The following RANBP2 variants were observed in gnomAD, a reference collection of about 807,000 sequenced individuals.
The protein encoded by RANBP2 is E3 SUMO-protein ligase RanBP2.
In RANBP2, 57 loss-of-function variants were observed where a neutral mutation model predicts 303.6. The ratio of observed to expected loss-of-function variants is 0.19; its 90% CI spans 0.15 to 0.23. The LOEUF is 0.23. Ranked by LOEUF, RANBP2 falls within the 10% of genes least tolerant of loss-of-function variation. RANBP2 has a pLI of 1.00. For synonymous variants in RANBP2, 1,167 were observed against 1,301.5 expected (o/e 0.90, Z 2.23); for missense variants, 3,138 against 3,780.8 (o/e 0.83, Z 4.46).
the RANBP2 span, chr2:109,594,866 G>A: frequency 1.2e-4 from 18 of 152,012 alleles, no homozygotes; most frequent in Admixed American, 5.9e-4. Context: ...GGCTGACCTT[G>A]TGACTGAACA....
At chr2:109,470,423 T>C in the RANBP2 span, among the ~76,000 whole-genome samples, 1 of 152,204 alleles carries the variant, frequency 6.6e-6, no homozygotes, top group African/African-American at 2.4e-5. Flanking sequence ...GTTCTCAGAA[T>C]TTGCTCTTCC....
the RANBP2 span, among the ~76,000 whole-genome samples, chr2:109,426,464 G>A: frequency 3.3e-5 from 5 of 152,190 alleles, no homozygotes; most frequent in African/African-American, 1.2e-4. Context: ...GGTAGAAACA[G>A]CAAGAGAACT....
At chr2:109,371,795 C>T in the RANBP2 span, 9 of 863,094 alleles carry the variant, frequency 1.0e-5, no homozygotes, top group South Asian at 1.3e-4. Context: ...GGATCCTCCA[C>T]AATAGCCTCT....
At chr2:109,640,309 A>G in the RANBP2 span, among the ~76,000 whole-genome samples, 1 of 151,990 alleles carries the variant, frequency 6.6e-6, no homozygotes, top group Non-Finnish European at 1.5e-5. Flanking sequence ...AGAAGTAGCC[A>G]GGCATGCTGG....
At chr2:109,121,997 T>C in the RANBP2 span, among the ~76,000 whole-genome samples, 2 of 152,154 alleles carry the variant, frequency 1.3e-5, no homozygotes, top group Non-Finnish European at 2.9e-5. Flanking sequence ...CTGTGCTTGC[T>C]AGTGGGAAGG....
At chr2:108,846,910 T>C in the RANBP2 span, 6 of 1,603,840 alleles carry the variant, frequency 3.7e-6, no homozygotes, top group Admixed American at 1.0e-4. Context: ...ACCTTAATTG[T>C]TCTCAAAACA....
the RANBP2 span, among the ~76,000 whole-genome samples, chr2:109,201,845 C>G: frequency 7.2e-5 from 11 of 152,240 alleles, no homozygotes; most frequent in Admixed American, 3.9e-4. Flanking sequence ...ATAGTGCCCT[C>G]CCTCCAGGGA....
chr2:109,449,376 A>C, the RANBP2 span: 1 of 1,611,060 alleles, frequency 6.2e-7, no homozygotes, highest in Non-Finnish European at 8.5e-7. Flanking sequence ...CACACCTCCC[A>C]ACGTCAGTGC....
the RANBP2 span, among the ~76,000 whole-genome samples, chr2:109,248,307 A>C: frequency 1.3e-5 from 2 of 152,146 alleles, no homozygotes; most frequent in Non-Finnish European, 2.9e-5. Context: ...TTGTTTTAAA[A>C]ATCTTCCCCA....
At chr2:109,799,168 C>T in the RANBP2 span, among the ~76,000 whole-genome samples, 4 of 67,492 alleles carry the variant, frequency 5.9e-5, no homozygotes, top group African/African-American at 2.5e-4. Context: ...GTACCCGGGA[C>T]GCAGAGGTTG....
the RANBP2 span, among the ~76,000 whole-genome samples, chr2:109,486,929 G>A: frequency 6.6e-6 from 1 of 152,210 alleles, no homozygotes; most frequent in African/African-American, 2.4e-5. Context: ...AGATCCGGCT[G>A]TTTGGTTTTC....
At chr2:108,758,642 T>C in intron 18 of RANBP2, 94 bp downstream of exon 18, 1 of 1,593,686 alleles carries the variant, frequency 6.3e-7, no homozygotes. Flanking sequence ...TGTTTATATA[T>C]GTTTGTTAAT....
chr2:109,569,751 C>A, the RANBP2 span, among the ~76,000 whole-genome samples: 2 of 152,160 alleles, frequency 1.3e-5, no homozygotes, highest in East Asian at 3.8e-4. Context: ...CAATAAACTG[C>A]AGTAGACTGA....
chr2:108,967,825 G>A, the RANBP2 span, among the ~76,000 whole-genome samples: 1 of 152,130 alleles, frequency 6.6e-6, no homozygotes, highest in Non-Finnish European at 1.5e-5. Context: ...AACCCACCAA[G>A]ATAAATTTCT....
chr2:109,275,725 G>A, the RANBP2 span, among the ~76,000 whole-genome samples: 1 of 152,262 alleles, frequency 6.6e-6, no homozygotes, highest in East Asian at 1.9e-4. Flanking sequence ...GCTGTTTGCC[G>A]GGTACCCTTC....
the RANBP2 span, among the ~76,000 whole-genome samples, chr2:109,122,103 G>A: frequency 5.5e-3 from 839 of 152,322 alleles, 8 homozygotes; most frequent in African/African-American, 0.019. Flanking sequence ...GTCAGGATGA[G>A]GAGAACAGAT....
the RANBP2 span, among the ~76,000 whole-genome samples, chr2:109,127,099 CTGT>C: frequency 6.6e-6 from 1 of 152,234 alleles, no homozygotes; most frequent in African/African-American, 2.4e-5. Context: ...CCATCTCACC[CTGT>C]TGTTGGCGCT....
chr2:109,771,169 T>C, the RANBP2 span, among the ~76,000 whole-genome samples: 1 of 12,362 alleles, frequency 8.1e-5, no homozygotes, highest in African/African-American at 6.0e-4. Context: ...CTCGAGGAAA[T>C]AGATGGCAAC....
the RANBP2 span, among the ~76,000 whole-genome samples, chr2:108,902,429 CT>C: frequency 6.6e-6 from 1 of 152,078 alleles, no homozygotes; most frequent in Non-Finnish European, 1.5e-5. Flanking sequence ...TCTCTAGGTC[CT>C]CACGATTTCA....
Sources: gnomAD v4.1 joint callset for allele counts (sites outside exome capture counted in the v4.1 genomes callset) on GRCh38, gnomAD v4.1.1 for gene constraint, MANE v1.5 for transcripts, NCBI Gene and HGNC (gene_info 2026-07-23, HGNC 2026-07-21) for gene names.